The following VTI1A variants were observed in gnomAD, a reference collection of about 807,000 sequenced individuals.
VTI1A encodes vesicle transport through interaction with t-SNAREs 1A.
A neutral mutation model predicts 34.9 loss-of-function variants in VTI1A; 22 were observed. That is an observed-to-expected ratio of 0.63 (90% CI 0.45 to 0.90). The LOEUF (loss-of-function observed/expected upper bound fraction) is 0.90, where lower values mean the gene tolerates loss of function less well. Among genes scored for constraint, VTI1A ranks in the 40% least tolerant of loss-of-function variants. VTI1A has a pLI of 0.00. For synonymous variants in VTI1A, 87 were observed against 97.3 expected (o/e 0.89, Z 0.62); for missense variants, 268 against 275.6 (o/e 0.97, Z 0.20).
intron 5 of VTI1A, among the ~76,000 whole-genome samples, chr10:112,542,505 G>A (rs898043561): frequency 6.6e-6 from 1 of 152,160 alleles, no homozygotes; most frequent in Admixed American, 6.5e-5. Flanking sequence ...TTCCCAGGTG[G>A]CCACTGATCT....
chr10:112,768,865 T>C (rs1014492905), intron 7 of VTI1A, among the ~76,000 whole-genome samples: 2 of 152,196 alleles, frequency 1.3e-5, no homozygotes, highest in African/African-American at 4.8e-5. Context: ...AATATGCGTT[T>C]ATGCAGACAA....
chr10:112,599,915 G>A (rs1487857096), intron 5 of VTI1A, among the ~76,000 whole-genome samples: 2 of 152,042 alleles, frequency 1.3e-5, no homozygotes, highest in Admixed American at 6.5e-5. Flanking sequence ...GAATAATAAC[G>A]TTCCAACTCC....
chr10:112,560,114 T>C (rs1851672627), intron 5 of VTI1A, among the ~76,000 whole-genome samples: 1 of 152,202 alleles, frequency 6.6e-6, no homozygotes, highest in Non-Finnish European at 1.5e-5. Context: ...CTTCTGACTC[T>C]AGAAAGATTA....
chr10:112,530,610 A>C (rs1168271379), intron 4 of VTI1A, among the ~76,000 whole-genome samples: 1 of 152,218 alleles, frequency 6.6e-6, no homozygotes, highest in African/African-American at 2.4e-5. Context: ...GATTCAAAAT[A>C]TAAAGAGTAG....
At chr10:112,460,456 A>C in intron 1 of VTI1A, 68 bp from the exon 2 acceptor site, 2 of 1,408,644 alleles carry the variant, frequency 1.4e-6, no homozygotes, top group Non-Finnish European at 1.9e-6. Flanking sequence ...GCATATAAAA[A>C]TTGAAGTTTT....
At chr10:112,843,858 G>A in the VTI1A span, among the ~76,000 whole-genome samples, 1 of 151,824 alleles carries the variant, frequency 6.6e-6, no homozygotes. Context: ...GGCCTACCAC[G>A]TGATCTTAGA....
At chr10:112,597,564 A>G (rs1277191530) in intron 5 of VTI1A, among the ~76,000 whole-genome samples, 1 of 151,858 alleles carries the variant, frequency 6.6e-6, no homozygotes, top group Non-Finnish European at 1.5e-5. Flanking sequence ...CAACCAAGCC[A>G]GGTACAGTGG....
chr10:112,590,425 A>T (rs1360159427), intron 5 of VTI1A, among the ~76,000 whole-genome samples: 1 of 152,102 alleles, frequency 6.6e-6, no homozygotes, highest in African/African-American at 2.4e-5. Context: ...GGGCACAGTG[A>T]CTTACACTTG....
At chr10:112,612,076 G>T (rs1349598875) in intron 5 of VTI1A, among the ~76,000 whole-genome samples, 15 of 151,716 alleles carry the variant, frequency 9.9e-5, no homozygotes, top group Admixed American at 9.8e-4. Context: ...TTTTTTCTTG[G>T]ATACAAACCT....
the VTI1A span, among the ~76,000 whole-genome samples, chr10:112,841,532 G>C: frequency 1.3e-5 from 2 of 152,146 alleles, no homozygotes; most frequent in Non-Finnish European, 2.9e-5. Context: ...ATGGTGCAAG[G>C]GGCATTGGTC....
At chr10:112,469,778 A>G (rs1030402987) in intron 3 of VTI1A, among the ~76,000 whole-genome samples, 15 of 152,126 alleles carry the variant, frequency 9.9e-5, no homozygotes, top group African/African-American at 3.4e-4. Flanking sequence ...CCCATCCTCT[A>G]CATATGCAAG....
chr10:112,837,203 G>T, the VTI1A span, among the ~76,000 whole-genome samples: 5 of 152,076 alleles, frequency 3.3e-5, no homozygotes, highest in Non-Finnish European at 2.9e-5. Flanking sequence ...GGTGCACACC[G>T]GTAATCCCAG....
chr10:112,529,011 T>TCC (rs1850339926), intron 4 of VTI1A, among the ~76,000 whole-genome samples: 1 of 152,178 alleles, frequency 6.6e-6, no homozygotes. Context: ...TCTGAATTTT[T>TCC]CAAATTATAT....
At chr10:112,783,401 G>GCGTGCACACA (rs1491281369) in intron 7 of VTI1A, among the ~76,000 whole-genome samples, 2 of 150,310 alleles carry the variant, frequency 1.3e-5, no homozygotes, top group Admixed American at 6.6e-5. Flanking sequence ...GCGTGCACGT[G>GCGTGCACACA]CACACACACA....
intron 7 of VTI1A, among the ~76,000 whole-genome samples, chr10:112,715,741 T>C (rs776810447): frequency 2.0e-5 from 3 of 152,192 alleles, no homozygotes; most frequent in Non-Finnish European, 4.4e-5. Flanking sequence ...AAGCAACTGT[T>C]CCTGGGGATG....
At chr10:112,760,783 G>A (rs1245218389) in intron 7 of VTI1A, among the ~76,000 whole-genome samples, 1 of 151,880 alleles carries the variant, frequency 6.6e-6, no homozygotes, top group Admixed American at 6.6e-5. Context: ...CAGGTACCGG[G>A]GAGGCTGAGG....
At chr10:112,550,935 A>T (rs1030239207) in intron 5 of VTI1A, among the ~76,000 whole-genome samples, 1 of 152,086 alleles carries the variant, frequency 6.6e-6, no homozygotes. Context: ...AAAGGTTGAT[A>T]TTTGTGTTTA....
intron 5 of VTI1A, among the ~76,000 whole-genome samples, chr10:112,635,635 C>T (rs1483120496): frequency 6.6e-6 from 1 of 152,096 alleles, no homozygotes; most frequent in Non-Finnish European, 1.5e-5. Flanking sequence ...GAGGCTTTTG[C>T]ACTGGTCTTT....
intron 3 of VTI1A, among the ~76,000 whole-genome samples, chr10:112,509,494 C>T (rs1012437451): frequency 6.6e-6 from 1 of 152,112 alleles, no homozygotes; most frequent in African/African-American, 2.4e-5. Flanking sequence ...TGACCTCTTC[C>T]AGTTTACATA....
Sources: gnomAD v4.1 joint callset for allele counts (sites outside exome capture counted in the v4.1 genomes callset) on GRCh38, gnomAD v4.1.1 for gene constraint, MANE v1.5 for transcripts, NCBI Gene and HGNC (gene_info 2026-07-23, HGNC 2026-07-21) for gene names.